The following WNT7B variants were observed in gnomAD, a reference collection of about 807,000 sequenced individuals.
WNT7B encodes the protein protein Wnt-7b.
In WNT7B, 19 loss-of-function variants were observed where a neutral mutation model predicts 38.2. That is an observed-to-expected ratio of 0.50 (90% CI 0.35 to 0.73). The LOEUF (loss-of-function observed/expected upper bound fraction) is 0.73. WNT7B is among the 30% of genes least tolerant of loss of function. The probability of loss-of-function intolerance (pLI) is 0.01; values close to 1 mark genes in which losing one functional copy is unlikely to be tolerated. For synonymous variants in WNT7B, 243 were observed against 209.3 expected, an observed-to-expected ratio of 1.16 and a Z score of -1.39; for missense variants, 423 against 507.9, an observed-to-expected ratio of 0.83 and a Z score of 1.61.
intron 3 of WNT7B, among the ~76,000 whole-genome samples, chr22:45,929,624 CCTT>C (rs1931236026): frequency 3.4e-5 from 4 of 119,362 alleles, no homozygotes; most frequent in African/African-American, 9.9e-5. Context: ...ATACACCCAT[CCTT>C]CCATCCATGC....
chr22:45,966,882 T>C lies in WNT7B; in HGVS notation c.71+9802A>G, dbSNP rs1291422968. Among the ~76,000 whole-genome samples the C allele has an allele frequency of 6.6e-6, 1 of 152,230 alleles. No individual in the cohort carries two copies. Among genetic ancestry groups the C allele is most frequent in the East Asian group, 1.9e-4 (1 of 5,188 alleles). On this transcript the variant is annotated intron_variant, in intron 1 of 3. Transcript: ENST00000339464. The surrounding 1 kb of genome is among the most constrained non-coding windows in gnomAD (Gnocchi z 4.2). ...AGAGAACCTGTGAGCGCTGCTTCTC[T>C]GCCCAGGCAGGGACCCTCCCCAGCA...
Position 45,954,547 on chromosome 22 carries a change from G to A in WNT7B, c.72-4401C>T, listed in dbSNP as rs561066076. On this transcript the variant is annotated intron_variant, in intron 1 of 3. Coordinates refer to ENST00000339464, the MANE Select transcript of WNT7B (RefSeq NM_058238.3). Reference sequence around the variant, plus strand: ...CGACGCCCTGCTTGCCTTCTTGCACGCTTATCCGGGGTATGTGGGGCTGAC... The same window carrying A: ...CGACGCCCTGCTTGCCTTCTTGCACACTTATCCGGGGTATGTGGGGCTGAC... 4.8e-5 allele frequency: 47 copies of A among 982,780 alleles called. No individual in the cohort carries two copies. In the East Asian group the frequency reaches 4.0e-3, roughly 83 times the overall value. 60.9% of individuals were successfully genotyped at this position (982,780 alleles called of 1,614,324 possible).
intron 1 of WNT7B, among the ~76,000 whole-genome samples, chr22:45,952,934 C>G (rs1331413579): frequency 6.6e-6 from 1 of 152,252 alleles, no homozygotes; most frequent in Non-Finnish European, 1.5e-5. Flanking sequence ...CGCCTCCCAG[C>G]TGTGTCTGCT....
At chr22:45,945,452 G>C (rs1931771590) in intron 2 of WNT7B, among the ~76,000 whole-genome samples, 2 of 152,212 alleles carry the variant, frequency 1.3e-5, no homozygotes, top group Admixed American at 6.5e-5. Context: ...TATGTAATCA[G>C]TAGAAGAGTT....
Position 45,922,742 on chromosome 22 carries a change from C to A in WNT7B, c.*114G>T. 6.7e-7 allele frequency: 1 copy of A among 1,488,616 alleles called. No homozygotes were observed. The highest frequency in any genetic ancestry group is 8.9e-7 in the Non-Finnish European group (1 of 1,119,450). The allele number at this position is 1,488,616 out of a possible 1,614,324, so 92.2% of individuals were successfully genotyped here. ...GCCCTCCTGCACCTGGAGCTCCCCG[C>A]TTCTGCACCCGTCTATGTCTGCTGC... On this transcript the variant is annotated 3_prime_UTR_variant, in exon 4 of 4. Coordinates refer to ENST00000339464, the MANE Select transcript of WNT7B (RefSeq NM_058238.3).
At chr22:45,940,558 G>A (rs919828056) in intron 2 of WNT7B, among the ~76,000 whole-genome samples, 1 of 152,204 alleles carries the variant, frequency 6.6e-6, no homozygotes, top group Non-Finnish European at 1.5e-5. Flanking sequence ...CAGAATCCCA[G>A]GGGTGAGGCT....
chr22:45,957,355 G>A (rs1199259007), intron 1 of WNT7B, among the ~76,000 whole-genome samples: 1 of 151,946 alleles, frequency 6.6e-6, no homozygotes, highest in Admixed American at 6.6e-5. Context: ...TAACAAAGCA[G>A]GAATGGAAAC....
At chr22:45,945,517 A>G (rs1931773437) in intron 2 of WNT7B, among the ~76,000 whole-genome samples, 1 of 152,276 alleles carries the variant, frequency 6.6e-6, no homozygotes. Context: ...ATCCATGCAT[A>G]TCTTACACTT....
rs1931389164 is a variant in WNT7B, at chr22:45,932,308, G to C, written c.299-939C>G. 5.3e-5 allele frequency among the ~76,000 whole-genome samples: 8 copies of C among 152,234 alleles called. No homozygotes were observed. In the South Asian group the frequency reaches 1.7e-3, roughly 32 times the overall value. ...CTTCCAGGCGCTGCTCACATCCCCT[G>C]GGGATTATGTGGTCTTTTTGGTGGC... On this transcript the variant is annotated intron_variant, in intron 2 of 3. Coordinates refer to ENST00000339464, the MANE Select transcript of WNT7B (RefSeq NM_058238.3).
At position 45,975,907 on chromosome 22, in the gene WNT7B, G is replaced by A. The variant is rs181881990; in HGVS notation, c.71+777C>T. On this transcript the variant is annotated intron_variant, in intron 1 of 3. Transcript: ENST00000339464. This position sits in a 1 kb window ranked among gnomAD's most constrained non-coding sequence, Gnocchi z 6.6. The stretch of plus-strand genomic sequence containing the variant: ...ACAGATTCTGTCTAAAGGAGATCGC[G>A]GCTCAACAGGTAAGGACTCGGCTGG... 2.4e-3 allele frequency: 455 copies of A among 187,172 alleles called. 5 individuals carry two copies. The highest frequency in any genetic ancestry group is 7.7e-3 in the Middle Eastern group (4 of 522). 11.6% of individuals were successfully genotyped at this position (187,172 alleles called of 1,614,324 possible).
At chr22:45,929,943 T>TCTACCCAC (rs1931278209) in intron 3 of WNT7B, among the ~76,000 whole-genome samples, 1 of 94,372 alleles carries the variant, frequency 1.1e-5, no homozygotes, top group African/African-American at 4.2e-5. Context: ...CACTCATCCT[T>TCTACCCAC]CCATCCATCC....
At position 45,966,523 on chromosome 22, in the gene WNT7B, C is replaced by G. The variant is rs975643232; in HGVS notation, c.71+10161G>C. Among the ~76,000 whole-genome samples the G allele has an allele frequency of 1.3e-5, 2 of 152,192 alleles. No homozygotes were observed. Among genetic ancestry groups the G allele is most frequent in the Non-Finnish European group, 2.9e-5 (2 of 68,034 alleles). On this transcript the variant is annotated intron_variant, in intron 1 of 3. Coordinates refer to ENST00000339464, the MANE Select transcript of WNT7B (RefSeq NM_058238.3). This position sits in a 1 kb window ranked among gnomAD's most constrained non-coding sequence, Gnocchi z 4.2. Reference sequence around the variant, plus strand: ...CTGCAGGGGTCATGGGATAGGACTCCAGGGGATGCTCACTCGGGCTCTTCT... The same window carrying G: ...CTGCAGGGGTCATGGGATAGGACTCGAGGGGATGCTCACTCGGGCTCTTCT...
chr22:45,959,355 G>A (rs368913004), intron 1 of WNT7B, among the ~76,000 whole-genome samples: 4 of 152,142 alleles, frequency 2.6e-5, no homozygotes, highest in South Asian at 2.1e-4. Context: ...AAATGCCCAC[G>A]GTCCACGTCA....
intron 3 of WNT7B, among the ~76,000 whole-genome samples, chr22:45,924,294 TG>T (rs1357318489): frequency 6.6e-6 from 1 of 152,118 alleles, no homozygotes; most frequent in Non-Finnish European, 1.5e-5. Context: ...TCTAGCCTAG[TG>T]GAGAAGTCCC....
intron 1 of WNT7B, among the ~76,000 whole-genome samples, chr22:45,953,199 T>TC (rs1569120556): frequency 3.4e-4 from 17 of 49,690 alleles, no homozygotes; most frequent in African/African-American, 2.8e-3. Flanking sequence ...TGTCCGTGCC[T>TC]GGCTTCCCCT....
At chr22:45,959,688 G>T (rs1009016140) in intron 1 of WNT7B, among the ~76,000 whole-genome samples, 1 of 152,100 alleles carries the variant, frequency 6.6e-6, no homozygotes, top group African/African-American at 2.4e-5. Flanking sequence ...CCTCCCACCT[G>T]GGTGGACCCC....
intron 2 of WNT7B, among the ~76,000 whole-genome samples, chr22:45,945,509 CCATGCATATCTTACACTTACGG>C (rs1407396633): frequency 6.6e-6 from 1 of 152,238 alleles, no homozygotes; most frequent in Non-Finnish European, 1.5e-5. Context: ...TCTTCAAAAT[CCATGCATATCTTACACTTACGG>C]CACATGTCGG....
chr22:45,927,547 A>T (rs750636602), intron 3 of WNT7B: 112 of 1,468,120 alleles, frequency 7.6e-5, no homozygotes, highest in Non-Finnish European at 9.8e-5. Flanking sequence ...AACGGAGAGG[A>T]GGTCACCCTG....
At position 45,976,042 on chromosome 22, in the gene WNT7B, G is replaced by T. The variant is rs1932542671; in HGVS notation, c.71+642C>A. ...CGCCAGGGGGAGCGCGGCGAGAGGG[G>T]GCCGGGCCCAGGGCCCAGGGCCCCG... On this transcript the variant is annotated intron_variant, in intron 1 of 3. Coordinates refer to ENST00000339464, the MANE Select transcript of WNT7B (RefSeq NM_058238.3). The surrounding 1 kb of genome is among the most constrained non-coding windows in gnomAD (Gnocchi z 8.5). 1 of 145,548 alleles carries T rather than the reference G, an allele frequency of 6.9e-6. No individual in the cohort carries two copies. The highest frequency in any genetic ancestry group is 1.5e-5 in the Non-Finnish European group (1 of 65,456). The allele number at this position is 145,548 out of a possible 1,614,324, so 9.0% of individuals were successfully genotyped here.
Sources: gnomAD v4.1 joint callset for allele counts (sites outside exome capture counted in the v4.1 genomes callset) on GRCh38, gnomAD v4.1.1 for gene constraint, Gnocchi (gnomAD v3.1) non-coding constraint, MANE v1.5 for transcripts, NCBI Gene and HGNC (gene_info 2026-07-23, HGNC 2026-07-21) for gene names.